TYW1B: variants seen among roughly 807,000 people sequenced by gnomAD.
TYW1B encodes the protein tRNA-yW synthesizing protein 1 homolog B.
TYW1B carries 73 observed loss-of-function variants against 86.9 expected under a neutral mutation model. The ratio of observed to expected loss-of-function variants is 0.84; its 90% confidence interval spans 0.70 to 1.02. TYW1B has a LOEUF of 1.02. Ranked by LOEUF, TYW1B falls within the 50% of genes least tolerant of loss-of-function variation. The pLI, the probability that TYW1B is intolerant of heterozygous loss-of-function variation, is 0.00. For missense variants in TYW1B, 637 were observed against 827.4 expected (o/e 0.77, Z 2.82); for synonymous variants, 248 against 292.8 (o/e 0.85, Z 1.56).
intron 7 of TYW1B, among the ~76,000 whole-genome samples, chr7:72,748,053 A>G (rs571204070): frequency 3.1e-4 from 47 of 152,204 alleles, no homozygotes; most frequent in African/African-American, 1.1e-3. Context: ...GGTGGATCAC[A>G]AGGTCAGGAG....
At chr7:72,825,435 T>C (rs563436105) in intron 2 of TYW1B, among the ~76,000 whole-genome samples, 1 of 152,272 alleles carries the variant, frequency 6.6e-6, no homozygotes, top group African/African-American at 2.4e-5. Flanking sequence ...TCCCAGCACT[T>C]TGGGAGGCCG....
At chr7:72,649,269 GAGAA>G (rs1554442446) in intron 11 of TYW1B, among the ~76,000 whole-genome samples, 1 of 152,204 alleles carries the variant, frequency 6.6e-6, no homozygotes, top group African/African-American at 2.4e-5. Flanking sequence ...AAGGTTTCTA[GAGAA>G]AGAAAGATGC....
Position 72,704,717 on chromosome 7 carries a change from G to A in TYW1B, c.1370+8904C>T, listed in dbSNP as rs561810009. On this transcript the variant is annotated intron_variant, in intron 10 of 13. Coordinates refer to ENST00000620995, the MANE Select transcript of TYW1B (RefSeq NM_001145440.3). ...GTTTCATGTCTTATCTCACATACTC[G>A]CAATGCCACCATAAGGTAGTCATTA... 7.2e-5 allele frequency among the ~76,000 whole-genome samples: 11 copies of A among 151,930 alleles called. No individual in the cohort carries two copies. In the South Asian group the frequency reaches 1.2e-3, roughly 17 times the overall value.
At chr7:72,643,093 T>C (rs1812840540) in intron 11 of TYW1B, among the ~76,000 whole-genome samples, 1 of 152,184 alleles carries the variant, frequency 6.6e-6, no homozygotes, top group Admixed American at 6.5e-5. Flanking sequence ...AAGTAAATTA[T>C]TTCTTAATTT....
At chr7:72,755,372 C>T (rs1337376197) in intron 7 of TYW1B, among the ~76,000 whole-genome samples, 1 of 152,046 alleles carries the variant, frequency 6.6e-6, no homozygotes, top group Admixed American at 6.5e-5. Flanking sequence ...TGAGCCATGA[C>T]TGCATTACTG....
At chr7:72,793,611 C>G (rs1361945699) in intron 6 of TYW1B, among the ~76,000 whole-genome samples, 4 of 151,984 alleles carry the variant, frequency 2.6e-5, no homozygotes, top group African/African-American at 9.7e-5. Flanking sequence ...CAAAAATTAG[C>G]CAGGCATGGT....
At chr7:72,627,454 CAGTAACATAACATAA>C (rs1295507203) in intron 12 of TYW1B, among the ~76,000 whole-genome samples, 50 of 97,710 alleles carry the variant, frequency 5.1e-4, no homozygotes, top group South Asian at 2.1e-3. Flanking sequence ...TCTCAAAAAA[CAGTAACATAACATAA>C]CATAACATAA....
intron 10 of TYW1B, among the ~76,000 whole-genome samples, chr7:72,709,497 T>C (rs1170920632): frequency 1.3e-5 from 2 of 151,936 alleles, no homozygotes; most frequent in East Asian, 3.9e-4. Context: ...GAAACCCCTG[T>C]CTCTACTAAA....
intron 10 of TYW1B, among the ~76,000 whole-genome samples, chr7:72,697,554 G>A (rs1554451716): frequency 1.3e-5 from 2 of 152,134 alleles, no homozygotes; most frequent in African/African-American, 4.8e-5. Context: ...ACCCAGAAGA[G>A]ATAATGAGGC....
At chr7:72,616,940 T>C in intron 12 of TYW1B, 101 bp from the exon 13 acceptor site, 3 of 1,480,890 alleles carry the variant, frequency 2.0e-6, no homozygotes, top group Non-Finnish European at 2.8e-6. Context: ...ACCAATGCAA[T>C]CCAGTCCGTA....
intron 10 of TYW1B, among the ~76,000 whole-genome samples, chr7:72,703,546 T>C (rs1308665240): frequency 1.3e-5 from 2 of 152,078 alleles, no homozygotes; most frequent in Admixed American, 6.6e-5. Context: ...GAACAAGTTC[T>C]GTGCTCTTGA....
Position 72,696,536 on chromosome 7 carries a change from G to GT in TYW1B, c.1371-1715dup, listed in dbSNP as rs562039052. Reference sequence around the variant, plus strand: ...AAAATGGTTTATGTGCTTTATATACGTATCAGTAGCAGCCTTATCAATCTT... The same window carrying GT: ...AAAATGGTTTATGTGCTTTATATACGTTATCAGTAGCAGCCTTATCAATCTT... On this transcript the variant is annotated intron_variant, in intron 10 of 13. Coordinates refer to ENST00000620995, the MANE Select transcript of TYW1B (RefSeq NM_001145440.3). Among the ~76,000 whole-genome samples, 411 of 152,148 alleles carry GT rather than the reference G, an allele frequency of 2.7e-3. 1 individual carries two copies. The highest frequency in any genetic ancestry group is 8.9e-3 in the African/African-American group (371 of 41,520).
chr7:72,616,650 T>C, intron 13 of TYW1B, 22 bp downstream of exon 13: 1 of 1,613,952 alleles, frequency 6.2e-7, no homozygotes, highest in Non-Finnish European at 8.5e-7. Flanking sequence ...AACAGAAGAT[T>C]CCATGTTTGA....
At chr7:72,794,990 T>C (rs1305272582) in intron 6 of TYW1B, among the ~76,000 whole-genome samples, 1 of 151,988 alleles carries the variant, frequency 6.6e-6, no homozygotes, top group Non-Finnish European at 1.5e-5. Flanking sequence ...ATTTTTGTTT[T>C]TGTATTTTTG....
Position 72,783,505 on chromosome 7 carries a change from T to C in TYW1B, c.847-5972A>G, listed in dbSNP as rs568806004. Among the ~76,000 whole-genome samples the C allele has an allele frequency of 2.0e-5, 3 of 152,212 alleles. No individual in the cohort carries two copies. The South Asian group carries it at 6.2e-4, about 32-fold the overall frequency. ...AAGGAGTCACGGTAAAAAAATTAAGTAAATTATTAATATTTAATAACTTTT... is the reference window on the plus strand; with the variant it reads ...AAGGAGTCACGGTAAAAAAATTAAGCAAATTATTAATATTTAATAACTTTT... On this transcript the variant is annotated intron_variant, in intron 6 of 13. Transcript: ENST00000620995.
rs188575166 is a variant in TYW1B at position 72,661,233 on chromosome 7, G to A, written c.1507-32236C>T. On this transcript the variant is annotated intron_variant, in intron 11 of 13. Coordinates refer to ENST00000620995, the MANE Select transcript of TYW1B (RefSeq NM_001145440.3). ...CTGAATTCTAGGGAGGTCTGGTGGGGGGCGGGGGGGCACTATAGGTAACTA... is the reference window on the plus strand; with the variant it reads ...CTGAATTCTAGGGAGGTCTGGTGGGAGGCGGGGGGGCACTATAGGTAACTA... 1.0e-4 allele frequency among the ~76,000 whole-genome samples: 2 copies of A among 19,754 alleles called. 1 individual carries two copies. Among genetic ancestry groups the A allele is most frequent in the African/African-American group, 1.7e-4 (2 of 11,820 alleles). The allele number at this position is 19,754 out of a possible 152,430, so 13.0% of individuals were successfully genotyped here.
At chr7:72,795,154 G>A (rs1233931196) in intron 6 of TYW1B, among the ~76,000 whole-genome samples, 4 of 151,694 alleles carry the variant, frequency 2.6e-5, no homozygotes, top group Non-Finnish European at 5.9e-5. Context: ...CCTCCCCCCA[G>A]CTGCTCCCAA....
chr7:72,782,130 T>A (rs552572771), intron 6 of TYW1B, among the ~76,000 whole-genome samples: 22 of 151,482 alleles, frequency 1.5e-4, no homozygotes, highest in East Asian at 7.8e-4. Context: ...CAAAAAAAAA[T>A]TTTTTTTAAT....
chr7:72,576,734 G>T (rs1380635575), intron 13 of TYW1B, among the ~76,000 whole-genome samples: 1 of 151,902 alleles, frequency 6.6e-6, no homozygotes, highest in Non-Finnish European at 1.5e-5. Flanking sequence ...GGATGGTCTC[G>T]ATCTCCTAAC....
Sources: allele counts gnomAD v4.1 joint callset (sites outside exome capture counted in the v4.1 genomes callset), GRCh38; gene constraint gnomAD v4.1.1; transcripts MANE v1.5; gene names NCBI Gene and HGNC (gene_info 2026-07-23, HGNC 2026-07-21).